RSF1: variants seen among roughly 807,000 people sequenced by gnomAD.
The protein encoded by RSF1 is remodeling and spacing factor 1.
A neutral mutation model predicts 145.2 loss-of-function variants in RSF1; 13 were observed. The ratio of observed to expected loss-of-function variants is 0.09; its 90% CI spans 0.06 to 0.14. RSF1 has a LOEUF of 0.14. Among genes scored for constraint, RSF1 ranks in the 10% least tolerant of loss-of-function variants. The probability of loss-of-function intolerance (pLI) is 1.00; values close to 1 mark genes in which losing one functional copy is unlikely to be tolerated. For missense variants in RSF1, 1,517 were observed against 1,718.2 expected, an observed-to-expected ratio of 0.88 and a Z score of 2.07; for synonymous variants, 577 against 592.6, an observed-to-expected ratio of 0.97 and a Z score of 0.38.
At chr11:77,762,034 T>TTTTTTTC (rs1948180332) in intron 2 of RSF1, 3 of 25,090 alleles carry the variant, frequency 1.2e-4, no homozygotes, top group Admixed American at 4.4e-4. Context: ...TTTCTTTTTT[T>TTTTTTTC]TTTTTTTTTT....
At chr11:77,787,833 T>TTAAAAAAAAAA (rs1948472286) in intron 1 of RSF1, among the ~76,000 whole-genome samples, 1 of 129,494 alleles carries the variant, frequency 7.7e-6, no homozygotes, top group African/African-American at 3.0e-5. Flanking sequence ...TTCAGAACAG[T>TTAAAAAAAAAA]AAAAAAAAAA....
At chr11:77,703,905 T>C (rs1960481593) in intron 5 of RSF1, among the ~76,000 whole-genome samples, 1 of 152,264 alleles carries the variant, frequency 6.6e-6, no homozygotes, top group South Asian at 2.1e-4. Context: ...ACAGGTTTAA[T>C]AAATTCTCAT....
chr11:77,724,897 G>C (rs1565160971), intron 5 of RSF1, among the ~76,000 whole-genome samples: 1 of 152,216 alleles, frequency 6.6e-6, no homozygotes, highest in Non-Finnish European at 1.5e-5. Context: ...ACAGGTTACA[G>C]ACTGGTACTA....
intron 1 of RSF1, among the ~76,000 whole-genome samples, chr11:77,796,102 CT>C (rs986533212): frequency 6.6e-6 from 1 of 151,732 alleles, no homozygotes; most frequent in Non-Finnish European, 1.5e-5. Context: ...TCTCTCTTTT[CT>C]TTTTTATTAG....
intron 1 of RSF1, among the ~76,000 whole-genome samples, chr11:77,764,967 T>TA (rs1285141319): frequency 6.6e-6 from 1 of 152,304 alleles, no homozygotes; most frequent in Admixed American, 6.5e-5. Context: ...ACTTTGGTGA[T>TA]AATTATATGT....
At chr11:77,756,561 T>G (rs1288413153) in intron 2 of RSF1, among the ~76,000 whole-genome samples, 1 of 152,050 alleles carries the variant, frequency 6.6e-6, no homozygotes, top group South Asian at 2.1e-4. Context: ...TCGGATACCA[T>G]GGTGAAGAAG....
chr11:77,788,455 A>G (rs1948482722), intron 1 of RSF1, among the ~76,000 whole-genome samples: 1 of 150,544 alleles, frequency 6.6e-6, no homozygotes, highest in African/African-American at 2.4e-5. Context: ...GGGAAATTCT[A>G]AAGTCTGATA....
At chr11:77,678,041 T>C (rs761819309) in intron 12 of RSF1, 45 bp downstream of exon 12, 1 of 1,474,120 alleles carries the variant, frequency 6.8e-7, no homozygotes, top group East Asian at 2.3e-5. Flanking sequence ...CTGAATGAAC[T>C]TCTTGGCAGA....
At chr11:77,753,983 C>A (rs1369887097) in intron 2 of RSF1, among the ~76,000 whole-genome samples, 4 of 152,202 alleles carry the variant, frequency 2.6e-5, no homozygotes, top group Non-Finnish European at 5.9e-5. Flanking sequence ...TTCCCCTAAA[C>A]TGTGTTTGAA....
chr11:77,871,142 C>T, the RSF1 span, among the ~76,000 whole-genome samples: 1 of 152,088 alleles, frequency 6.6e-6, no homozygotes, highest in African/African-American at 2.4e-5. Context: ...TTTGTTTTCC[C>T]CATTACAATA....
At chr11:77,733,505 T>C (rs1341734535) in intron 4 of RSF1, among the ~76,000 whole-genome samples, 1 of 152,062 alleles carries the variant, frequency 6.6e-6, no homozygotes, top group Non-Finnish European at 1.5e-5. Context: ...TTGCTAAAAT[T>C]CTCTAATCAT....
At chr11:77,750,823 C>G (rs1420833610) in intron 2 of RSF1, among the ~76,000 whole-genome samples, 1 of 152,160 alleles carries the variant, frequency 6.6e-6, no homozygotes, top group African/African-American at 2.4e-5. Flanking sequence ...CACCATAAAT[C>G]ATTATTCTAT....
In RSF1 at chr11:77,662,825, T is replaced by C. The variant is rs920066954; in HGVS notation, c.*4092A>G. On this transcript the variant is annotated 3_prime_UTR_variant, in exon 16 of 16. Coordinates refer to ENST00000308488, the MANE Select transcript of RSF1 (RefSeq NM_016578.4). Reference sequence around the variant, plus strand: ...TTACAGCAGATATGCAGCCTTGGCATTCTCTGCTTCTTCGAGAATGAGGAA... The same window carrying C: ...TTACAGCAGATATGCAGCCTTGGCACTCTCTGCTTCTTCGAGAATGAGGAA... 6.6e-6 allele frequency: 1 copy of C among 152,198 alleles called. No homozygotes were observed. Among genetic ancestry groups the C allele is most frequent in the Non-Finnish European group, 1.5e-5 (1 of 68,026 alleles). The allele number at this position is 152,198 out of a possible 1,614,324, so 9.4% of individuals were successfully genotyped here.
chr11:77,843,582 C>T, the RSF1 span, among the ~76,000 whole-genome samples: 3 of 152,236 alleles, frequency 2.0e-5, no homozygotes, highest in African/African-American at 7.2e-5. Flanking sequence ...TACATGTGCA[C>T]AGATTCTTAC....
chr11:77,737,665 T>TGTGC (rs1961398361), intron 4 of RSF1, among the ~76,000 whole-genome samples: 1 of 150,046 alleles, frequency 6.7e-6, no homozygotes, highest in Admixed American at 6.7e-5. Context: ...TGTGTGTGTG[T>TGTGC]GTTTAAAAAG....
intron 1 of RSF1, among the ~76,000 whole-genome samples, chr11:77,789,735 T>C (rs996568387): frequency 1.3e-5 from 2 of 152,206 alleles, no homozygotes; most frequent in African/African-American, 4.8e-5. Context: ...CCACTACTGA[T>C]TGTACCTGCA....
rs1959326141 is a variant in RSF1 at position 77,665,002 on chromosome 11, A to G, written c.*1915T>C. The G allele has an allele frequency of 6.6e-6, 1 of 152,202 alleles. No homozygotes were observed. The highest frequency in any genetic ancestry group is 1.5e-5 in the Non-Finnish European group (1 of 68,038). The allele number at this position is 152,202 out of a possible 1,614,324, so 9.4% of individuals were successfully genotyped here. On this transcript the variant is annotated 3_prime_UTR_variant, in exon 16 of 16. Transcript: ENST00000308488. ...TTATTTTTTATACAGATACATACAC[A>G]TTGCTAGAATCAAAGCAAAAATATT...
rs1439231460 is a variant in RSF1 at position 77,701,431 on chromosome 11, C to A, written c.1798G>T (p.Ala600Ser). The A allele has an allele frequency of 2.5e-6, 4 of 1,614,026 alleles. No individual in the cohort carries two copies. Among genetic ancestry groups the A allele is most frequent in the Non-Finnish European group, 3.4e-6 (4 of 1,179,932 alleles). Residue 600 changes from alanine to serine, a missense_variant, in exon 6 of 16, where the codon GCA becomes TCA. Around this residue, in one of 12 missense-constraint regions of RSF1, gnomAD observed 579 missense variants for 553.5 expected, o/e 1.05. Coordinates refer to ENST00000308488, the MANE Select transcript of RSF1 (RefSeq NM_016578.4). ...TCTGGTATTGGACTCAATCTTTGTG[C>A]GTCCTTATCAAGAAAAGTCTTTTTG... The part of the protein sequence containing the change: ...KSKKTFLDKD[A>S]QRLSPIPEEV...
chr11:77,768,407 G>A (rs186058230), intron 1 of RSF1, among the ~76,000 whole-genome samples: 2,035 of 152,114 alleles, frequency 0.013, 21 homozygotes, highest in Middle Eastern at 0.044. Context: ...ATGATCTCCC[G>A]CCTCGGCCTC....
Sources: allele counts gnomAD v4.1 joint callset (sites outside exome capture counted in the v4.1 genomes callset), GRCh38; gene constraint gnomAD v4.1.1; regional missense constraint gnomAD v4.1.1; transcripts MANE v1.5; gene names NCBI Gene and HGNC (gene_info 2026-07-23, HGNC 2026-07-21).